CTIF: variants seen among roughly 807,000 people sequenced by gnomAD.
The protein encoded by CTIF is cap binding complex dependent translation initiation factor.
Under a neutral mutation model 66.0 loss-of-function variants are expected in CTIF, and 21 were observed. The ratio of observed to expected loss-of-function variants is 0.32; its 90% CI spans 0.23 to 0.46. The LOEUF (loss-of-function observed/expected upper bound fraction) is 0.46. CTIF is among the 20% of genes least tolerant of loss of function. The pLI, the probability that CTIF is intolerant of heterozygous loss-of-function variation, is 1.00. For missense variants in CTIF, 739 were observed against 812.7 expected, an observed-to-expected ratio of 0.91 and a Z score of 1.10; for synonymous variants, 345 against 326.4, an observed-to-expected ratio of 1.06 and a Z score of -0.62.
chr18:48,711,255 G>A (rs373458161), intron 6 of CTIF, among the ~76,000 whole-genome samples: 58 of 152,340 alleles, frequency 3.8e-4, no homozygotes, highest in African/African-American at 1.3e-3. Context: ...TGCACAGCCA[G>A]TGAGCTGCAG....
chr18:48,644,778 C>G (rs1302723846), intron 3 of CTIF, among the ~76,000 whole-genome samples: 1 of 152,176 alleles, frequency 6.6e-6, no homozygotes, highest in Non-Finnish European at 1.5e-5. Flanking sequence ...GGTGTCCGCA[C>G]AGGGCCTTGC....
At chr18:48,570,831 C>G (rs984146245) in intron 1 of CTIF, among the ~76,000 whole-genome samples, 1 of 151,978 alleles carries the variant, frequency 6.6e-6, no homozygotes, top group African/African-American at 2.4e-5. Context: ...AGGTGAGGGA[C>G]AGGGCTGGAG....
intron 3 of CTIF, among the ~76,000 whole-genome samples, chr18:48,656,523 C>T (rs969561048): frequency 2.6e-5 from 4 of 152,186 alleles, no homozygotes; most frequent in African/African-American, 7.2e-5. Flanking sequence ...CTGACCTCCC[C>T]TGAGCTGGGG....
At chr18:48,552,912 G>A (rs956536260) in intron 1 of CTIF, among the ~76,000 whole-genome samples, 12 of 152,184 alleles carry the variant, frequency 7.9e-5, no homozygotes, top group African/African-American at 2.9e-4. Flanking sequence ...TCACATCTGG[G>A]TGCTTTGTCC....
At chr18:48,554,990 A>G (rs983932394) in intron 1 of CTIF, among the ~76,000 whole-genome samples, 3 of 152,194 alleles carry the variant, frequency 2.0e-5, no homozygotes, top group Admixed American at 6.5e-5. Flanking sequence ...AAGTATTCAG[A>G]GTGCCAAATC....
At chr18:48,657,343 C>T (rs1299268318) in intron 3 of CTIF, among the ~76,000 whole-genome samples, 5 of 152,234 alleles carry the variant, frequency 3.3e-5, no homozygotes, top group Admixed American at 6.5e-5. Context: ...CAGTATATAC[C>T]AAACATTTGA....
At chr18:48,726,035 T>C (rs984477553) in intron 7 of CTIF, among the ~76,000 whole-genome samples, 1 of 152,182 alleles carries the variant, frequency 6.6e-6, no homozygotes, top group African/African-American at 2.4e-5. Flanking sequence ...TTGAGGCATG[T>C]TGCTCAACTA....
chr18:48,852,767 G>C (rs1158894316), intron 10 of CTIF, among the ~76,000 whole-genome samples: 1 of 152,232 alleles, frequency 6.6e-6, no homozygotes, highest in Non-Finnish European at 1.5e-5. Context: ...TGTATGGCAT[G>C]TGTGTGGTTA....
In CTIF at chr18:48,735,314, C is replaced by T. The variant is rs531989436; in HGVS notation, c.585-22605C>T. Among the ~76,000 whole-genome samples, 8 of 152,252 alleles carry T rather than the reference C, an allele frequency of 5.3e-5. No individual in the cohort carries two copies. The South Asian group carries it at 8.3e-4, about 16-fold the overall frequency. ...GGCCCAGAGGTAGGAGCAGAGAACA[C>T]TGTTAGGAAAGAGGCCAAGCCAGGG... On this transcript the variant is annotated intron_variant, in intron 7 of 11. Transcript: ENST00000256413.
At chr18:48,819,037 G>A (rs1014094947) in intron 10 of CTIF, among the ~76,000 whole-genome samples, 4 of 152,154 alleles carry the variant, frequency 2.6e-5, no homozygotes, top group African/African-American at 4.8e-5. Flanking sequence ...TGAAGCATCC[G>A]TTTATAGAAC....
chr18:48,828,454 G>A (rs1212842266), intron 10 of CTIF, among the ~76,000 whole-genome samples: 1 of 152,112 alleles, frequency 6.6e-6, no homozygotes, highest in African/African-American at 2.4e-5. Flanking sequence ...TTCATAGATT[G>A]AGCTGCCCTG....
At chr18:48,697,774 TCTC>T (rs1307939371) in intron 6 of CTIF, among the ~76,000 whole-genome samples, 1 of 152,022 alleles carries the variant, frequency 6.6e-6, no homozygotes, top group Admixed American at 6.5e-5. Context: ...TGGATGGGCT[TCTC>T]CTGAGAGATG....
At position 48,650,800 on chromosome 18, in the gene CTIF, A is replaced by G. The variant is rs919884682; in HGVS notation, c.253-12952A>G. On this transcript the variant is annotated intron_variant, in intron 3 of 11. Transcript: ENST00000256413. ...CTTGGCAGAAACTCTACAAGCCAGA[A>G]GAGAGTGGAGGCCAATATTCAACAT... 8.5e-5 allele frequency among the ~76,000 whole-genome samples: 13 copies of G among 152,286 alleles called. No homozygotes were observed. The East Asian group carries it at 9.6e-4, about 11-fold the overall frequency.
intron 1 of CTIF, among the ~76,000 whole-genome samples, chr18:48,618,153 G>A (rs2090431008): frequency 6.6e-6 from 1 of 152,234 alleles, no homozygotes; most frequent in Non-Finnish European, 1.5e-5. Context: ...TGGACTCGCT[G>A]CAGTGAAAAC....
chr18:48,547,843 G>A (rs939970679), intron 1 of CTIF, among the ~76,000 whole-genome samples: 1 of 152,208 alleles, frequency 6.6e-6, no homozygotes, highest in Non-Finnish European at 1.5e-5. Context: ...TGTGATGGGG[G>A]AGTTCTGAGA....
chr18:48,745,966 A>T (rs1312063483), intron 7 of CTIF, among the ~76,000 whole-genome samples: 2 of 152,222 alleles, frequency 1.3e-5, no homozygotes, highest in Non-Finnish European at 2.9e-5. Context: ...CCTTCCCAGG[A>T]TGGAAAAACA....
intron 7 of CTIF, among the ~76,000 whole-genome samples, chr18:48,754,016 A>G (rs1003013874): frequency 7.2e-5 from 11 of 152,204 alleles, no homozygotes; most frequent in Admixed American, 6.5e-5. Context: ...GCTGACAAAT[A>G]TTTGTGAATG....
At chr18:48,553,314 C>T (rs2088933172) in intron 1 of CTIF, among the ~76,000 whole-genome samples, 1 of 152,234 alleles carries the variant, frequency 6.6e-6, no homozygotes, top group Non-Finnish European at 1.5e-5. Flanking sequence ...CCTGCAGCCT[C>T]ATTCGCACCA....
chr18:48,747,279 T>C (rs971105190), intron 7 of CTIF, among the ~76,000 whole-genome samples: 2 of 152,226 alleles, frequency 1.3e-5, no homozygotes, highest in Admixed American at 6.5e-5. Flanking sequence ...TCGGCCAGCT[T>C]GCCAACTGGT....
Sources: gnomAD v4.1 joint callset for allele counts (sites outside exome capture counted in the v4.1 genomes callset) on GRCh38, gnomAD v4.1.1 for gene constraint, MANE v1.5 for transcripts, NCBI Gene and HGNC (gene_info 2026-07-23, HGNC 2026-07-21) for gene names.